DNAH1: variants seen among roughly 807,000 people sequenced by gnomAD.
DNAH1 encodes axonemal beta dynein heavy chain 1.
Under a neutral mutation model 484.3 loss-of-function variants are expected in DNAH1, and 327 were observed. That is an observed-to-expected ratio of 0.68 (90% CI 0.62 to 0.74). The LOEUF is 0.74. Ranked by LOEUF, DNAH1 falls within the 30% of genes least tolerant of loss-of-function variation. The probability of loss-of-function intolerance (pLI) is 0.00; values close to 1 mark genes in which losing one functional copy is unlikely to be tolerated. For missense variants in DNAH1, 5,052 were observed against 5,546.8 expected (o/e 0.91, Z 2.83); for synonymous variants, 2,192 against 2,191.9 (o/e 1.00, Z 0.00).
At chr3:52,349,529 C>G in intron 14 of DNAH1, 109 bp downstream of exon 14, 1 of 1,050,192 alleles carries the variant, frequency 9.5e-7, no homozygotes, top group Non-Finnish European at 1.4e-6. Context: ...TCTGGGGTGT[C>G]TGTGGATGCC....
chr3:52,399,572 A>G lies in DNAH1; in HGVS notation c.12469A>G (p.Thr4157Ala), dbSNP rs1272893546. Residue 4157 changes from threonine to alanine, a missense_variant, in exon 77 of 78, where the codon ACA becomes GCA. Physicochemically the swap from Thr to Ala is moderately conservative, Grantham distance 58 (BLOSUM62 0). Around this residue, in one of 4 missense-constraint regions of DNAH1, gnomAD observed 853 missense variants for 899.0 expected, o/e 0.95. Transcript: ENST00000420323. Reference sequence around the variant, plus strand: ...GATGTTTGAGGCACCATCAGAGTTAACACAAAGACCCCAAGTAGGGTGCTA... The same window carrying G: ...GATGTTTGAGGCACCATCAGAGTTAGCACAAAGACCCCAAGTAGGGTGCTA... ...KVMFEAPSEL[T>A]QRPQVGCYIH... 6.2e-7 allele frequency: 1 copy of G among 1,612,926 alleles called. No individual in the cohort carries two copies. The highest frequency in any genetic ancestry group is 2.2e-5 in the East Asian group (1 of 44,874).
At chr3:52,349,924 A>G (rs963737695) in intron 14 of DNAH1, 65 bp from the exon 15 acceptor site, 23 of 1,537,974 alleles carry the variant, frequency 1.5e-5, no homozygotes, top group Admixed American at 7.9e-5. Flanking sequence ...CCAAGGAGGA[A>G]GAGCAGGTGA....
chr3:52,328,402 A>G (rs374378743), intron 6 of DNAH1, among the ~76,000 whole-genome samples: 1 of 152,116 alleles, frequency 6.6e-6, no homozygotes, highest in East Asian at 1.9e-4. Context: ...TTTTGTGTGC[A>G]CAACACACAC....
Position 52,323,877 on chromosome 3 carries a change from A to G in DNAH1, c.403A>G (p.Arg135Gly). 6.4e-7 allele frequency: 1 copy of G among 1,573,438 alleles called. No individual in the cohort carries two copies. The highest frequency in any genetic ancestry group is 1.7e-4 in the Middle Eastern group (1 of 6,012). ...RQADLDKFTP[R>G]VGSFEVPEDF... ...GGCTGACCTTGACAAGTTCACCCCA[A>G]GAGGTCAGTGCTCAGGAGGGCTGTG... is the stretch of plus-strand genomic sequence containing the variant. The change falls in exon 3 of 78, where the codon AGA becomes GGA. Residue 135 changes from arginine to glycine, a missense_variant. Around this residue, in one of 4 missense-constraint regions of DNAH1, gnomAD observed 1,263 missense variants for 1,218.8 expected, o/e 1.04. Coordinates refer to ENST00000420323, the MANE Select transcript of DNAH1 (RefSeq NM_015512.5).
chr3:52,366,816 C>T lies in DNAH1; in HGVS notation c.5694C>T (p.Tyr1898=), dbSNP rs1439300472. 3.1e-6 allele frequency: 5 copies of T among 1,613,848 alleles called. No homozygotes were observed. Among genetic ancestry groups the T allele is most frequent in the Non-Finnish European group, 3.4e-6 (4 of 1,179,876 alleles). Residue 1898 remains tyrosine, a synonymous_variant, in exon 36 of 78, where the codon TAC becomes TAT. Transcript: ENST00000420323. The part of the protein sequence containing the change: ...ISGGMYEAVN[Y]YVLNPKSITM... ...GTGGCATGTACGAGGCTGTCAACTA[C>T]TACGTGCTCAACCCCAAGTCCATCA...
intron 15 of DNAH1, 48 bp downstream of exon 15, chr3:52,350,156 G>T (rs752022279): frequency 6.3e-7 from 1 of 1,592,510 alleles, no homozygotes; most frequent in Admixed American, 1.8e-5. Context: ...CAGGGCTGGT[G>T]TTAAGAGTCC....
At chr3:52,317,133 C>T (rs891663424) in intron 1 of DNAH1, among the ~76,000 whole-genome samples, 4 of 152,150 alleles carry the variant, frequency 2.6e-5, no homozygotes, top group Non-Finnish European at 4.4e-5. Context: ...GAAATTGTAG[C>T]GGACATTCTG....
At chr3:52,374,996 CGTT>C in intron 44 of DNAH1, 1 of 517,858 alleles carries the variant, frequency 1.9e-6, no homozygotes, top group Non-Finnish European at 3.5e-6. Flanking sequence ...ATTTCACTAA[CGTT>C]GTATATGAAA....
In DNAH1 at chr3:52,399,699, G is replaced by A. The variant is rs1307309834; in HGVS notation, c.12596G>A (p.Trp4199Ter). ...KELYTEMAVI[W>*]LLPTPNRKAQ... ...CTGTACACAGAGATGGCCGTTATCTGGCTCTTGCCAACACCCAACCGCAAG... is the reference window on the plus strand; with the variant it reads ...CTGTACACAGAGATGGCCGTTATCTAGCTCTTGCCAACACCCAACCGCAAG... Residue 4199 changes from tryptophan to a stop codon, truncating the protein, a stop_gained, in exon 77 of 78, where the codon TGG (tryptophan) becomes TAG (stop). Transcript: ENST00000420323. LOFTEE classifies it high-confidence loss of function. The A allele has an allele frequency of 1.2e-6, 2 of 1,614,036 alleles. No individual in the cohort carries two copies. The highest frequency in any genetic ancestry group is 2.2e-5 in the East Asian group (1 of 44,880).
In DNAH1 at chr3:52,396,483, A is replaced by C. The variant is rs1248945267; in HGVS notation, c.11375A>C (p.Asn3792Thr). 1 of 1,607,060 alleles carries C rather than the reference A, an allele frequency of 6.2e-7. No homozygotes were observed. The highest frequency in any genetic ancestry group is 2.2e-5 in the East Asian group (1 of 44,518). ...TIEPPRGVRA[N>T]LLKSYSSLGE... ...GAGCCGCCACGCGGTGTCAGGGCCA[A>C]CCTGCTGAAGTCCTATAGTAGCCTT... Residue 3792 changes from asparagine to threonine, a missense_variant, in exon 71 of 78, where the codon AAC becomes ACC. Coordinates refer to ENST00000420323, the MANE Select transcript of DNAH1 (RefSeq NM_015512.5).
In DNAH1 at chr3:52,332,382, G is replaced by T. The variant is rs200951874; in HGVS notation, c.1274G>T (p.Arg425Leu). The change falls in exon 8 of 78, where the codon CGC becomes CTC. Residue 425 changes from arginine (R) to leucine (L), a missense_variant. This residue lies in a region of DNAH1 where 1,263 missense variants were observed against 1,218.8 expected (regional missense o/e 1.04). Transcript: ENST00000420323. The part of the protein sequence containing the change: ...KQWALSTPRM[R>L]KGPSVLEHLS... ...TGGGCCCTGAGCACGCCTCGGATGC[G>T]CAAAGGCCCCTCGTGAGTCCCCGCT... is the stretch of plus-strand genomic sequence containing the variant. 1.7e-4 allele frequency: 277 copies of T among 1,612,920 alleles called. No individual in the cohort carries two copies. Among genetic ancestry groups the T allele is most frequent in the Non-Finnish European group, 2.2e-4 (265 of 1,179,774 alleles).
chr3:52,391,245 G>T lies in DNAH1; in HGVS notation c.9808G>T (p.Ala3270Ser). Residue 3270 changes from alanine (A) to serine (S), a missense_variant, in exon 62 of 78, where the codon GCC becomes TCC. Physicochemically the swap from Ala to Ser is moderately conservative, Grantham distance 99 (BLOSUM62 1). Coordinates refer to ENST00000420323, the MANE Select transcript of DNAH1 (RefSeq NM_015512.5). ...DRDFLRSMENAIRFGKPCLLE... is the reference protein window; with the variant it reads ...DRDFLRSMENSIRFGKPCLLE... The stretch of plus-strand genomic sequence containing the variant: ...CGACTTCCTGCGCAGCATGGAGAAC[G>T]CCATCCGCTTTGGCAAGCCATGTCT... The T allele has an allele frequency of 5.0e-6, 8 of 1,613,678 alleles. No homozygotes were observed. Among genetic ancestry groups the T allele is most frequent in the African/African-American group, 1.3e-5 (1 of 75,034 alleles).
chr3:52,387,084 A>T (rs1435241451), intron 56 of DNAH1, among the ~76,000 whole-genome samples: 1 of 152,204 alleles, frequency 6.6e-6, no homozygotes, highest in African/African-American at 2.4e-5. Flanking sequence ...TGGTAGGGTG[A>T]CAGACCCACC....
chr3:52,336,481 G>A (rs1260868932), intron 8 of DNAH1, among the ~76,000 whole-genome samples: 1 of 152,192 alleles, frequency 6.6e-6, no homozygotes, highest in Non-Finnish European at 1.5e-5. Flanking sequence ...TTGAACCTAG[G>A]AGGTGGAGGT....
chr3:52,341,299 G>A (rs928391461), intron 8 of DNAH1, among the ~76,000 whole-genome samples: 1 of 152,160 alleles, frequency 6.6e-6, no homozygotes, highest in African/African-American at 2.4e-5. Flanking sequence ...CTTAGATTGG[G>A]TTCCGTAGAA....
In DNAH1 at chr3:52,361,890, G is replaced by A. The variant is rs932865577; in HGVS notation, c.4980+124G>A. ...CCCTGGGTCCAGCCTCTCTTGTCCC[G>A]GGGGCACACCCTAACCCCAGTCTGT... On this transcript the variant is annotated intron_variant, in intron 30 of 77. Coordinates refer to ENST00000420323, the MANE Select transcript of DNAH1 (RefSeq NM_015512.5). This position sits in a 1 kb window ranked among gnomAD's most constrained non-coding sequence, Gnocchi z 5.6. 15 of 1,034,554 alleles carry A rather than the reference G, an allele frequency of 1.4e-5. No homozygotes were observed. The highest frequency in any genetic ancestry group is 2.2e-5 in the Admixed American group (1 of 45,006). The allele number at this position is 1,034,554 out of a possible 1,614,324, so 64.1% of individuals were successfully genotyped here.
At chr3:52,374,169 T>C (rs977487127) in intron 44 of DNAH1, 8 of 1,275,910 alleles carry the variant, frequency 6.3e-6, no homozygotes, top group South Asian at 1.2e-5. Flanking sequence ...AGAAAACAGA[T>C]AAATAATATA....
chr3:52,331,987 C>T (rs1041490216), intron 7 of DNAH1, among the ~76,000 whole-genome samples, 155 bp from the exon 8 acceptor site: 4 of 152,142 alleles, frequency 2.6e-5, no homozygotes, highest in African/African-American at 7.2e-5. Context: ...CAGGAAGTGT[C>T]GTCATGCCCA....
chr3:52,370,460 G>A lies in DNAH1; in HGVS notation c.6259-17G>A, dbSNP rs1703285620. On this transcript the variant is annotated splice_polypyrimidine_tract_variant and intron_variant, in intron 39 of 77. Coordinates refer to ENST00000420323, the MANE Select transcript of DNAH1 (RefSeq NM_015512.5). ...ACTGTTCCTGTCTCAGCCTGATACT[G>A]TTCCCTTCATCCCCAGGGCCTCAAG... 4 of 1,613,824 alleles carry A rather than the reference G, an allele frequency of 2.5e-6. No homozygotes were observed. Among genetic ancestry groups the A allele is most frequent in the Non-Finnish European group, 3.4e-6 (4 of 1,179,884 alleles).
Sources: allele counts gnomAD v4.1 joint callset (sites outside exome capture counted in the v4.1 genomes callset), GRCh38; gene constraint gnomAD v4.1.1; regional missense constraint gnomAD v4.1.1; non-coding constraint Gnocchi (gnomAD v3.1); transcripts MANE v1.5; gene names NCBI Gene and HGNC (gene_info 2026-07-23, HGNC 2026-07-21).